The following TIAM1 variants were observed in gnomAD, a reference collection of about 807,000 sequenced individuals.
TIAM1 encodes the protein TIAM Rac1 associated GEF 1, also known as rho guanine nucleotide exchange factor TIAM1.
Under a neutral mutation model 163.5 loss-of-function variants are expected in TIAM1, and 65 were observed. The observed-to-expected ratio is 0.40, with a 90% CI of 0.33 to 0.49. TIAM1 has a LOEUF of 0.49. TIAM1 is among the 20% of genes least tolerant of loss of function. TIAM1 has a pLI of 0.77. For synonymous variants in TIAM1, 833 were observed against 810.1 expected, an observed-to-expected ratio of 1.03 and a Z score of -0.48; for missense variants, 1,789 against 2,044.7, an observed-to-expected ratio of 0.87 and a Z score of 2.41.
At chr21:31,391,797 T>G (rs2076969664) in intron 2 of TIAM1, among the ~76,000 whole-genome samples, 1 of 152,200 alleles carries the variant, frequency 6.6e-6, no homozygotes, top group Non-Finnish European at 1.5e-5. Context: ...AAAGAGACCA[T>G]GAATACCTAA....
At chr21:31,476,085 C>T (rs2045927818) in intron 1 of TIAM1, among the ~76,000 whole-genome samples, 1 of 152,186 alleles carries the variant, frequency 6.6e-6, no homozygotes, top group African/African-American at 2.4e-5. Context: ...GCACTTTTGG[C>T]AGGACAAACG....
chr21:31,266,192 C>A lies in TIAM1; in HGVS notation c.781G>T (p.Val261Leu), dbSNP rs955371231. The A allele has an allele frequency of 6.2e-7, 1 of 1,614,176 alleles. No individual in the cohort carries two copies. Among genetic ancestry groups the A allele is most frequent in the Non-Finnish European group, 8.5e-7 (1 of 1,180,042 alleles). Residue 261 changes from valine to leucine, a missense_variant, in exon 4 of 28, where the codon GTG becomes TTG. By Grantham distance (32) the Val-to-Leu change is conservative. This residue lies in a region of TIAM1 where 555 missense variants were observed against 564.9 expected (regional missense o/e 0.98). Transcript: ENST00000541036. ...SKFAGYCRNL[V>L]SDIPNLANHK... ...TTTGCAAGATTGGGAATATCAGACA[C>A]CAAATTCCGACAGTAGCCTGCAAAT...
In TIAM1 at chr21:31,309,964, A is replaced by C. The variant is rs1479178495; in HGVS notation, c.-189+29279T>G. 6.6e-5 allele frequency among the ~76,000 whole-genome samples: 10 copies of C among 152,236 alleles called. No homozygotes were observed. In the East Asian group the frequency reaches 1.9e-3, roughly 29 times the overall value. Reference sequence around the variant, plus strand: ...AACGCAAAAATAAGTCCAGAAATGCAAATCAAATACCCAGCTACCAAGTGA... The same window carrying C: ...AACGCAAAAATAAGTCCAGAAATGCCAATCAAATACCCAGCTACCAAGTGA... On this transcript the variant is annotated intron_variant, in intron 2 of 27. Coordinates refer to ENST00000541036, the MANE Select transcript of TIAM1 (RefSeq NM_001353694.2).
chr21:31,547,524 A>G, intron 1 of TIAM1, among the ~76,000 whole-genome samples: 1 of 152,350 alleles, frequency 6.6e-6, no homozygotes, highest in Admixed American at 6.5e-5. Context: ...AGGATTTTCA[A>G]TCTACTTTTA....
chr21:31,454,506 G>A (rs1305808526), intron 2 of TIAM1, among the ~76,000 whole-genome samples: 3 of 152,178 alleles, frequency 2.0e-5, no homozygotes, highest in Non-Finnish European at 2.9e-5. Context: ...CACAGGAAGG[G>A]GAGGCCATGA....
rs1386669137 is a variant in TIAM1 at position 31,127,106 on chromosome 21, C to T, written c.4092G>A (p.Glu1364=). Residue 1364 remains glutamate, a synonymous_variant, in exon 26 of 28, where the codon GAG becomes GAA. Transcript: ENST00000541036. ...AGACCCTCTCCGGCCTCCCTTCAGA[C>T]TCGGATTTTACATGGACAATTTCAC... ...AVCEIVHVKS[E]SEGRPERVFH... is the part of the protein sequence containing the mutation. 23 of 1,614,110 alleles carry T rather than the reference C, an allele frequency of 1.4e-5. No homozygotes were observed. The highest frequency in any genetic ancestry group is 1.8e-5 in the Non-Finnish European group (21 of 1,179,948).
At chr21:31,174,740 C>G (rs1432363404) in intron 15 of TIAM1, among the ~76,000 whole-genome samples, 1 of 152,216 alleles carries the variant, frequency 6.6e-6, no homozygotes, top group East Asian at 1.9e-4. Flanking sequence ...CTCCACCTCC[C>G]GGGTTCAAGC....
chr21:31,270,378 G>C (rs553254360), intron 3 of TIAM1, among the ~76,000 whole-genome samples: 1 of 152,270 alleles, frequency 6.6e-6, no homozygotes, highest in East Asian at 1.9e-4. Flanking sequence ...CATTGAAAAG[G>C]TGGATGCCAG....
At chr21:31,369,385 G>A (rs1265008762) in intron 2 of TIAM1, among the ~76,000 whole-genome samples, 1 of 151,954 alleles carries the variant, frequency 6.6e-6, no homozygotes, top group Non-Finnish European at 1.5e-5. Context: ...GTATTAGAAG[G>A]TGAAATATTA....
intron 20 of TIAM1, among the ~76,000 whole-genome samples, chr21:31,145,915 T>C (rs894404759): frequency 6.6e-6 from 1 of 152,172 alleles, no homozygotes; most frequent in Non-Finnish European, 1.5e-5. Context: ...ATGACATTAG[T>C]TGGGAACCTG....
intron 20 of TIAM1, among the ~76,000 whole-genome samples, chr21:31,144,994 T>G (rs2083045895): frequency 6.6e-6 from 1 of 152,124 alleles, no homozygotes; most frequent in African/African-American, 2.4e-5. Flanking sequence ...ATAACACAAA[T>G]TGCTCAAGGG....
chr21:31,196,492 T>G (rs1299605137), intron 12 of TIAM1, among the ~76,000 whole-genome samples: 1 of 150,116 alleles, frequency 6.7e-6, no homozygotes, highest in East Asian at 2.0e-4. Context: ...TTTTTTTTTT[T>G]GTATTTTTAG....
intron 2 of TIAM1, among the ~76,000 whole-genome samples, chr21:31,356,952 TA>T (rs1394838194): frequency 6.6e-6 from 1 of 152,200 alleles, no homozygotes; most frequent in Admixed American, 6.5e-5. Flanking sequence ...AGCCCATCTT[TA>T]AAAAATAAAT....
intron 2 of TIAM1, among the ~76,000 whole-genome samples, chr21:31,396,374 T>C (rs2077069392): frequency 1.3e-5 from 2 of 151,790 alleles, no homozygotes; most frequent in Admixed American, 1.3e-4. Flanking sequence ...TTCCACGGGG[T>C]CTCTCCCTCC....
chr21:31,226,619 A>G (rs558242869), intron 6 of TIAM1, among the ~76,000 whole-genome samples: 19 of 152,256 alleles, frequency 1.2e-4, no homozygotes, highest in African/African-American at 3.6e-4. Context: ...GATTGGTGTG[A>G]CTCGGTGTTC....
intron 1 of TIAM1, among the ~76,000 whole-genome samples, chr21:31,542,307 T>G (rs562622121): frequency 7.2e-5 from 11 of 151,994 alleles, no homozygotes; most frequent in East Asian, 3.9e-4. Flanking sequence ...TGTGCCTGTA[T>G]TCCCAGCTTC....
In TIAM1 at chr21:31,315,679, C is replaced by CAAAAAAAAA. The variant is rs58560437; in HGVS notation, c.-189+23555_-189+23563dup. On this transcript the variant is annotated intron_variant, in intron 2 of 27. Coordinates refer to ENST00000541036, the MANE Select transcript of TIAM1 (RefSeq NM_001353694.2). ...GGGCAACAAGAGCAAAACTCCATCTCAAAAAAAAAAAAAAAAAAAAGGACA... is the reference window on the plus strand; with the variant it reads ...GGGCAACAAGAGCAAAACTCCATCTCAAAAAAAAAAAAAAAAAAAAAAAAAAAAAGGACA... 1.8e-3 allele frequency among the ~76,000 whole-genome samples: 147 copies of CAAAAAAAAA among 80,234 alleles called. 5 individuals carry two copies. The highest frequency in any genetic ancestry group is 6.1e-3 in the African/African-American group (137 of 22,352). 52.6% of individuals were successfully genotyped at this position (80,234 alleles called of 152,430 possible).
chr21:31,291,519 A>G (rs1203912413), intron 2 of TIAM1, among the ~76,000 whole-genome samples: 3 of 151,878 alleles, frequency 2.0e-5, no homozygotes, highest in Non-Finnish European at 4.4e-5. Flanking sequence ...TTATTTATTT[A>G]TTTGTTTATT....
intron 2 of TIAM1, among the ~76,000 whole-genome samples, chr21:31,327,065 A>G (rs2075512931): frequency 6.6e-6 from 1 of 152,200 alleles, no homozygotes; most frequent in South Asian, 2.1e-4. Context: ...CAAATGGTTC[A>G]CTTATTTCAG....
Sources: gnomAD v4.1 joint callset for allele counts (sites outside exome capture counted in the v4.1 genomes callset) on GRCh38, gnomAD v4.1.1 for gene constraint, gnomAD v4.1.1 regional missense constraint, MANE v1.5 for transcripts, NCBI Gene and HGNC (gene_info 2026-07-23, HGNC 2026-07-21) for gene names.